Variants in MAP4 observed in about 807,000 individuals in gnomAD.
The protein encoded by MAP4 is microtubule associated protein 4.
In MAP4, 76 loss-of-function variants were observed where a neutral mutation model predicts 170.2. The observed-to-expected ratio is 0.45, with a 90% CI of 0.37 to 0.54. The LOEUF (loss-of-function observed/expected upper bound fraction) is 0.54. Among genes scored for constraint, MAP4 ranks in the 20% least tolerant of loss-of-function variants. The probability of loss-of-function intolerance (pLI) is 0.00; values close to 1 mark genes in which losing one functional copy is unlikely to be tolerated. For missense variants in MAP4, 2,506 were observed against 2,748.0 expected, an observed-to-expected ratio of 0.91 and a Z score of 1.97; for synonymous variants, 909 against 994.5, an observed-to-expected ratio of 0.91 and a Z score of 1.62.
chr3:47,955,447 C>CGT (rs1378271992), intron 3 of MAP4, among the ~76,000 whole-genome samples: 7 of 147,312 alleles, frequency 4.8e-5, no homozygotes, highest in African/African-American at 1.8e-4. Flanking sequence ...CACACACACA[C>CGT]ACACACACAC....
intron 17 of MAP4, among the ~76,000 whole-genome samples, chr3:47,860,328 G>C (rs1451147294): frequency 2.0e-5 from 3 of 152,228 alleles, no homozygotes; most frequent in Non-Finnish European, 4.4e-5. Context: ...AAGTGGCTGA[G>C]ACTACAGGCG....
chr3:47,957,552 A>G (rs2100068551), intron 3 of MAP4, among the ~76,000 whole-genome samples: 1 of 152,084 alleles, frequency 6.6e-6, no homozygotes. Context: ...GGCTCAAGTG[A>G]TCCTCCTGCC....
chr3:48,073,243 C>A (rs990436116), intron 1 of MAP4, among the ~76,000 whole-genome samples: 1 of 132,320 alleles, frequency 7.6e-6, no homozygotes, highest in Non-Finnish European at 1.6e-5. Flanking sequence ...ATATGGAAAT[C>A]CAAAGGAATA....
intron 1 of MAP4, among the ~76,000 whole-genome samples, chr3:48,086,849 G>A (rs1192735719): frequency 6.6e-6 from 1 of 152,108 alleles, no homozygotes; most frequent in East Asian, 1.9e-4. Context: ...ATCAGTCTCT[G>A]GTGAGTTTGT....
At chr3:48,059,514 C>CAA (rs762700404) in intron 1 of MAP4, among the ~76,000 whole-genome samples, 426 of 17,970 alleles carry the variant, frequency 0.024, 74 homozygotes, top group African/African-American at 0.046. Flanking sequence ...GACTCCATCT[C>CAA]AAAAAAAAAA....
intron 1 of MAP4, among the ~76,000 whole-genome samples, chr3:48,062,302 T>A (rs1379186102): frequency 1.2e-4 from 18 of 152,006 alleles, no homozygotes; most frequent in Non-Finnish European, 2.5e-4. Context: ...GAAGGCAGCA[T>A]GCTCCTTAAG....
At chr3:47,975,516 G>C in intron 3 of MAP4, 5 of 1,254,898 alleles carry the variant, frequency 4.0e-6, no homozygotes, top group Non-Finnish European at 4.6e-6. Flanking sequence ...GGGAAGAAAA[G>C]GGTGGAAAAG....
At chr3:48,044,296 AG>A (rs1234413839) in intron 1 of MAP4, among the ~76,000 whole-genome samples, 4 of 150,142 alleles carry the variant, frequency 2.7e-5, no homozygotes, top group Admixed American at 2.7e-4. Context: ...CTGGGACTAC[AG>A]GCACCCGCCA....
intron 5 of MAP4, 56 bp downstream of exon 5, chr3:47,921,709 T>A (rs947688204): frequency 9.9e-7 from 1 of 1,012,870 alleles, no homozygotes. Flanking sequence ...CAAAGATGAG[T>A]AAAGAAAAAA....
chr3:47,906,343 T>C (rs535901191), intron 9 of MAP4, among the ~76,000 whole-genome samples: 2 of 152,206 alleles, frequency 1.3e-5, no homozygotes, highest in South Asian at 2.1e-4. Flanking sequence ...TTATGTACCA[T>C]ATTTCTAATG....
rs541141210 is a variant in MAP4 at position 47,858,081 on chromosome 3, T to C, written c.6502-569A>G. Among the ~76,000 whole-genome samples the C allele has an allele frequency of 2.0e-5, 3 of 149,866 alleles. No homozygotes were observed. In the South Asian group the frequency reaches 6.4e-4, roughly 32 times the overall value. On this transcript the variant is annotated intron_variant, in intron 17 of 20. Coordinates refer to ENST00000683076, the MANE Select transcript of MAP4 (RefSeq NM_001385682.1). ...TCTTGTTGCCCAGGCTGGCACGATC[T>C]TGGCTCACCCCAGCCTCCATCTCCC...
At position 48,058,275 on chromosome 3, in the gene MAP4, C is replaced by T. The variant is rs145724578; in HGVS notation, c.-20+30498G>A. 4.0e-3 allele frequency among the ~76,000 whole-genome samples: 612 copies of T among 152,170 alleles called. 6 individuals carry two copies. Among genetic ancestry groups the T allele is most frequent in the African/African-American group, 0.014 (592 of 41,508 alleles). On this transcript the variant is annotated intron_variant, in intron 1 of 18. Transcript: ENST00000360240. ...TCATTATTTTGGCTAATTTATTGTA[C>T]GGAGAGAGGGAGGGAGGCCAGTAGG...
chr3:47,935,939 C>CAAAA (rs74405606), intron 3 of MAP4, among the ~76,000 whole-genome samples: 1 of 59,280 alleles, frequency 1.7e-5, no homozygotes, highest in Non-Finnish European at 3.6e-5. Flanking sequence ...ACTTAGTCTC[C>CAAAA]AAAAAAAAAA....
chr3:47,892,680 A>AAAGG lies in MAP4; in HGVS notation c.5434+10266_5434+10269dup, dbSNP rs370190184. 1.1e-4 allele frequency: 156 copies of AAAGG among 1,374,850 alleles called. No homozygotes were observed. The East Asian group carries it at 4.2e-3, about 37-fold the overall frequency. 85.2% of individuals were successfully genotyped at this position (1,374,850 alleles called of 1,614,324 possible). Reference sequence around the variant, plus strand: ...ACTTACAAATGTGAAAGAAAGAAAGAAAGGAAGAATGAATGAAAGCGAAAG... The same window carrying AAAGG: ...ACTTACAAATGTGAAAGAAAGAAAGAAAGGAAGGAAGAATGAATGAAAGCGAAAG... On this transcript the variant is annotated intron_variant, in intron 10 of 20. Coordinates refer to ENST00000683076, the MANE Select transcript of MAP4 (RefSeq NM_001385682.1).
At chr3:47,854,477 C>T (rs1324440166) in intron 19 of MAP4, among the ~76,000 whole-genome samples, 1 of 152,172 alleles carries the variant, frequency 6.6e-6, no homozygotes, top group East Asian at 1.9e-4. Flanking sequence ...GCTCCTGGCC[C>T]CTCTCCCCTG....
intron 1 of MAP4, among the ~76,000 whole-genome samples, chr3:48,055,481 C>A (rs1442155249): frequency 6.7e-6 from 1 of 150,000 alleles, no homozygotes; most frequent in Non-Finnish European, 1.5e-5. Flanking sequence ...GCCGGGATTG[C>A]AGACGGAGTC....
intron 3 of MAP4, chr3:47,974,088 A>T: frequency 2.0e-6 from 2 of 985,334 alleles, no homozygotes; most frequent in South Asian, 9.4e-5. Context: ...ATGATATTCT[A>T]ATCTTACCAT....
At chr3:47,896,067 C>CA (rs2100026665) in intron 10 of MAP4, among the ~76,000 whole-genome samples, 1 of 152,160 alleles carries the variant, frequency 6.6e-6, no homozygotes, top group South Asian at 2.1e-4. Flanking sequence ...CCCAAGACAT[C>CA]ATGTCAGCCA....
chr3:47,930,399 T>C (rs926142748), intron 3 of MAP4, among the ~76,000 whole-genome samples: 7 of 148,474 alleles, frequency 4.7e-5, no homozygotes, highest in Non-Finnish European at 7.4e-5. Context: ...GAGCCGAGAT[T>C]GCGCCACTGC....
Sources: gnomAD v4.1 joint callset for allele counts (sites outside exome capture counted in the v4.1 genomes callset) on GRCh38, gnomAD v4.1.1 for gene constraint, MANE v1.5 for transcripts, NCBI Gene and HGNC (gene_info 2026-07-23, HGNC 2026-07-21) for gene names.